Variants in PPP2R5E observed in about 807,000 individuals in gnomAD.
The protein encoded by PPP2R5E is protein phosphatase 2 regulatory subunit B'epsilon, also known as serine/threonine-protein phosphatase 2A 56 kDa regulatory subunit epsilon isoform.
PPP2R5E carries 4 observed loss-of-function variants against 65.3 expected under a neutral mutation model. That is an observed-to-expected ratio of 0.06 (90% confidence interval 0.03 to 0.14). PPP2R5E has a LOEUF of 0.14. Ranked by LOEUF, PPP2R5E falls within the 10% of genes least tolerant of loss-of-function variation. The probability of loss-of-function intolerance (pLI) is 1.00; values close to 1 mark genes in which losing one functional copy is unlikely to be tolerated. For synonymous variants in PPP2R5E, 183 were observed against 187.4 expected (o/e 0.98, Z 0.19); for missense variants, 274 against 556.1 (o/e 0.49, Z 5.10).
intron 2 of PPP2R5E, among the ~76,000 whole-genome samples, chr14:63,463,701 A>T (rs1490328674): frequency 6.7e-6 from 1 of 149,400 alleles, no homozygotes; most frequent in Non-Finnish European, 1.5e-5. Context: ...GGTTCATGCC[A>T]TTCTCCTGCC....
chr14:63,424,099 T>C (rs1887193701), intron 3 of PPP2R5E, among the ~76,000 whole-genome samples: 1 of 152,030 alleles, frequency 6.6e-6, no homozygotes, highest in South Asian at 2.1e-4. Flanking sequence ...TTGGCAAGGA[T>C]GGTAGGGAAG....
At chr14:63,420,731 C>T (rs1179136991) in intron 4 of PPP2R5E, among the ~76,000 whole-genome samples, 1 of 152,192 alleles carries the variant, frequency 6.6e-6, no homozygotes, top group Admixed American at 6.5e-5. Flanking sequence ...CCTTCTCTCT[C>T]TGCTGCACAG....
chr14:63,539,617 T>C lies in PPP2R5E; in HGVS notation c.69A>G (p.Arg23=). ...TTTGCGACCTCTTCTGTCTGGCTTT[T>C]CTGACGGACTTCCGAGAAAATCCGT... ...KVDGFSRKSV[R]KARQKRSQSS... is the part of the protein sequence containing the mutation. The change falls in exon 2 of 14, where the codon AGA becomes AGG. Residue 23 remains arginine, a synonymous_variant. Transcript: ENST00000337537. The C allele has an allele frequency of 6.2e-7, 1 of 1,614,152 alleles. No individual in the cohort carries two copies. The highest frequency in any genetic ancestry group is 8.5e-7 in the Non-Finnish European group (1 of 1,180,000).
intron 2 of PPP2R5E, among the ~76,000 whole-genome samples, chr14:63,505,813 A>G (rs191121493): frequency 2.0e-5 from 3 of 152,340 alleles, no homozygotes; most frequent in African/African-American, 4.8e-5. Context: ...CATAGTAGAC[A>G]CAGCACCTGC....
At chr14:63,538,489 G>A (rs1180394340) in intron 2 of PPP2R5E, among the ~76,000 whole-genome samples, 1 of 150,892 alleles carries the variant, frequency 6.6e-6, no homozygotes, top group Non-Finnish European at 1.5e-5. Context: ...TCCTGACCTC[G>A]TGATCTGCCT....
At chr14:63,448,510 T>C (rs191979552) in intron 3 of PPP2R5E, among the ~76,000 whole-genome samples, 1 of 150,870 alleles carries the variant, frequency 6.6e-6, no homozygotes, top group East Asian at 2.0e-4. Flanking sequence ...CTTCAATTTG[T>C]TTGGGCACAG....
intron 2 of PPP2R5E, among the ~76,000 whole-genome samples, chr14:63,488,657 T>C (rs945821237): frequency 3.3e-5 from 5 of 152,046 alleles, no homozygotes; most frequent in African/African-American, 1.2e-4. Context: ...GAGACCAGCG[T>C]GGCCAACATG....
rs1482863721 is a variant in PPP2R5E, at chr14:63,373,752, G to A, written c.*2257C>T. ...TGACTGCATTTCATTCCAATGAGCA[G>A]AGATTCTTCATAAACCTGTGATTTT... is the stretch of plus-strand genomic sequence containing the variant. On this transcript the variant is annotated 3_prime_UTR_variant, in exon 14 of 14. Coordinates refer to ENST00000337537, the MANE Select transcript of PPP2R5E (RefSeq NM_006246.5). The A allele has an allele frequency of 6.6e-6, 1 of 152,132 alleles. No individual in the cohort carries two copies. Among genetic ancestry groups the A allele is most frequent in the East Asian group, 1.9e-4 (1 of 5,188 alleles). 9.4% of individuals were successfully genotyped at this position (152,132 alleles called of 1,614,324 possible).
chr14:63,526,157 G>T (rs960037206), intron 2 of PPP2R5E, among the ~76,000 whole-genome samples: 1 of 152,114 alleles, frequency 6.6e-6, no homozygotes. Context: ...ACCATGCCTG[G>T]CCCTCTTCAT....
chr14:63,400,617 C>T (rs1400546837), intron 5 of PPP2R5E, among the ~76,000 whole-genome samples: 1 of 134,906 alleles, frequency 7.4e-6, no homozygotes, highest in African/African-American at 2.7e-5. Flanking sequence ...TGGAGCCCAT[C>T]AGGGGAGGTA....
At chr14:63,519,975 T>C (rs968319887) in intron 2 of PPP2R5E, among the ~76,000 whole-genome samples, 1 of 146,238 alleles carries the variant, frequency 6.8e-6, no homozygotes, top group African/African-American at 2.5e-5. Flanking sequence ...GGACAAACTC[T>C]TAATTCAGTC....
intron 2 of PPP2R5E, among the ~76,000 whole-genome samples, chr14:63,537,353 CTTTGTATT>C (rs1244654382): frequency 6.6e-6 from 1 of 152,172 alleles, no homozygotes; most frequent in Non-Finnish European, 1.5e-5. Flanking sequence ...TGTCTCCCAA[CTTTGTATT>C]TCAAGCATAG....
chr14:63,403,410 A>T, intron 5 of PPP2R5E, among the ~76,000 whole-genome samples: 1 of 143,120 alleles, frequency 7.0e-6, no homozygotes, highest in East Asian at 2.0e-4. Context: ...AAAAAAAAAA[A>T]TGTAGGCAGA....
At chr14:63,458,366 A>G (rs1450951409) in intron 2 of PPP2R5E, among the ~76,000 whole-genome samples, 1 of 152,232 alleles carries the variant, frequency 6.6e-6, no homozygotes, top group Non-Finnish European at 1.5e-5. Context: ...TCATGGATCC[A>G]ATATCACCTC....
chr14:63,389,773 A>T, intron 10 of PPP2R5E, 42 bp from the exon 11 acceptor site: 1 of 1,507,800 alleles, frequency 6.6e-7, no homozygotes, highest in Non-Finnish European at 8.9e-7. Flanking sequence ...GCACATCATG[A>T]AAAAAAATCC....
intron 11 of PPP2R5E, among the ~76,000 whole-genome samples, chr14:63,387,822 AG>A (rs1460206140): frequency 6.6e-6 from 1 of 152,202 alleles, no homozygotes; most frequent in Non-Finnish European, 1.5e-5. Context: ...CAGATAATAC[AG>A]GGGCCTTATA....
intron 8 of PPP2R5E, among the ~76,000 whole-genome samples, chr14:63,392,500 A>T (rs946952277): frequency 6.6e-6 from 1 of 152,222 alleles, no homozygotes; most frequent in African/African-American, 2.4e-5. Context: ...TTTCACGAGG[A>T]GATAAAAGGT....
At chr14:63,484,347 TCACACACACACACA>T (rs199749451) in intron 2 of PPP2R5E, among the ~76,000 whole-genome samples, 14 of 139,594 alleles carry the variant, frequency 1.0e-4, no homozygotes, top group South Asian at 4.6e-4. Context: ...TCTCTCTCTC[TCACACACACACACA>T]CACACACACA....
At chr14:63,520,693 A>G (rs899199699) in intron 2 of PPP2R5E, among the ~76,000 whole-genome samples, 2 of 152,030 alleles carry the variant, frequency 1.3e-5, no homozygotes, top group Admixed American at 6.6e-5. Flanking sequence ...GACTCCTTTC[A>G]TAGCTGTTTG....
Sources: gnomAD v4.1 joint callset for allele counts (sites outside exome capture counted in the v4.1 genomes callset) on GRCh38, gnomAD v4.1.1 for gene constraint, MANE v1.5 for transcripts, NCBI Gene and HGNC (gene_info 2026-07-23, HGNC 2026-07-21) for gene names.